The following SESTD1 variants were observed in gnomAD, a reference collection of about 807,000 sequenced individuals.
SESTD1 encodes the protein SEC14 domain and spectrin repeat-containing protein 1.
In SESTD1, 43 loss-of-function variants were observed where a neutral mutation model predicts 101.7. The observed-to-expected ratio is 0.42, with a 90% CI of 0.33 to 0.55. The LOEUF is 0.55. SESTD1 is among the 20% of genes least tolerant of loss of function. The pLI, the probability that SESTD1 is intolerant of heterozygous loss-of-function variation, is 0.07. For missense variants in SESTD1, 647 were observed against 815.1 expected, an observed-to-expected ratio of 0.79 and a Z score of 2.51; for synonymous variants, 283 against 286.8, an observed-to-expected ratio of 0.99 and a Z score of 0.13.
Position 179,216,831 on chromosome 2 carries a change from C to A in SESTD1, c.-25-24965G>T, listed in dbSNP as rs1230930579. Among the ~76,000 whole-genome samples, 4 of 120,568 alleles carry A rather than the reference C, an allele frequency of 3.3e-5. 2 individuals carry two copies. Among genetic ancestry groups the A allele is most frequent in the African/African-American group, 6.7e-5 (2 of 29,650 alleles). The allele number at this position is 120,568 out of a possible 152,430, so 79.1% of individuals were successfully genotyped here. ...CAGAGGCCTCAGAAATAACACCACA[C>A]ATCTACAACCATCTGATCTTTGACA... is the stretch of plus-strand genomic sequence containing the variant. On this transcript the variant is annotated intron_variant, in intron 1 of 17. Coordinates refer to ENST00000428443, the MANE Select transcript of SESTD1 (RefSeq NM_178123.5).
At chr2:179,183,786 C>T (rs368670629) in intron 2 of SESTD1, among the ~76,000 whole-genome samples, 3 of 148,338 alleles carry the variant, frequency 2.0e-5, no homozygotes, top group Admixed American at 6.8e-5. Flanking sequence ...CAGTACTGGC[C>T]GGGGCAACAT....
chr2:179,252,371 G>A (rs1179099273), intron 1 of SESTD1, among the ~76,000 whole-genome samples: 2 of 152,222 alleles, frequency 1.3e-5, no homozygotes, highest in Admixed American at 1.3e-4. Context: ...CCTACTAGGA[G>A]AAATCTGTGG....
chr2:179,174,592 G>C (rs1331728312), intron 4 of SESTD1: 1 of 370,836 alleles, frequency 2.7e-6, no homozygotes, highest in Non-Finnish European at 5.4e-6. Context: ...TAAAAGTGCT[G>C]GAAGCACTTT....
intron 17 of SESTD1, among the ~76,000 whole-genome samples, chr2:179,112,449 C>T (rs563467541): frequency 6.6e-6 from 1 of 152,358 alleles, no homozygotes; most frequent in East Asian, 1.9e-4. Context: ...CTATTCCCCA[C>T]CATCATAGCC....
At chr2:179,165,911 C>CA (rs1240181251) in intron 5 of SESTD1, among the ~76,000 whole-genome samples, 3 of 151,540 alleles carry the variant, frequency 2.0e-5, no homozygotes, top group South Asian at 2.1e-4. Context: ...TAACAATGAC[C>CA]AAAAAAAATG....
intron 1 of SESTD1, among the ~76,000 whole-genome samples, chr2:179,256,488 TGAC>T (rs2047395463): frequency 1.3e-5 from 2 of 152,136 alleles, no homozygotes; most frequent in Non-Finnish European, 2.9e-5. Context: ...CCTGAAGATG[TGAC>T]TGAATTGCTG....
rs1479622863 is a variant in SESTD1 at position 179,146,421 on chromosome 2, A to G, written c.618T>C (p.Pro206=). Residue 206 remains proline, a synonymous_variant, in exon 8 of 18, where the codon CCT becomes CCC. Transcript: ENST00000428443. ...TCTTACCTGTCTGAAGAACTGTTTC[A>G]GGATCAACCGATGGAAGAAAGTTTA... ...VDLNFLPSVD[P]ETVLQTGHEL... is the part of the protein sequence containing the mutation. 9.3e-6 allele frequency: 15 copies of G among 1,612,694 alleles called. No homozygotes were observed. The highest frequency in any genetic ancestry group is 1.3e-5 in the Non-Finnish European group (15 of 1,179,522).
intron 10 of SESTD1, among the ~76,000 whole-genome samples, chr2:179,128,150 T>G (rs1234569410): frequency 6.6e-6 from 1 of 152,218 alleles, no homozygotes; most frequent in East Asian, 1.9e-4. Flanking sequence ...AACAAGCATC[T>G]CTGATGACTC....
At chr2:179,227,115 C>T (rs1448885998) in intron 1 of SESTD1, among the ~76,000 whole-genome samples, 2 of 152,212 alleles carry the variant, frequency 1.3e-5, no homozygotes, top group Non-Finnish European at 2.9e-5. Context: ...GCTGAGTCAA[C>T]TCCAACTTCT....
intron 15 of SESTD1, 67 bp downstream of exon 15, chr2:179,116,601 A>C: frequency 1.2e-6 from 2 of 1,611,304 alleles, no homozygotes; most frequent in Non-Finnish European, 1.7e-6. Flanking sequence ...GTAAAGTTAC[A>C]TTATAATCAT....
intron 1 of SESTD1, among the ~76,000 whole-genome samples, chr2:179,236,674 C>T (rs2047071263): frequency 6.7e-6 from 1 of 149,512 alleles, no homozygotes; most frequent in African/African-American, 2.5e-5. Flanking sequence ...CGTGCTCTTA[C>T]TTGTAATTTA....
rs143225943 is a variant in SESTD1, at chr2:179,159,159, C to G, written c.370-7768G>C. Among the ~76,000 whole-genome samples, 7 of 152,220 alleles carry G rather than the reference C, an allele frequency of 4.6e-5. No homozygotes were observed. In the South Asian group the frequency reaches 6.2e-4, roughly 14 times the overall value. On this transcript the variant is annotated intron_variant, in intron 5 of 17. Coordinates refer to ENST00000428443, the MANE Select transcript of SESTD1 (RefSeq NM_178123.5). Reference sequence around the variant, plus strand: ...CATACGCTTTTCGCCTAACAATCACCTTTATAAAGTGGGTCAGGATCAGCA... The same window carrying G: ...CATACGCTTTTCGCCTAACAATCACGTTTATAAAGTGGGTCAGGATCAGCA...
At chr2:179,219,197 T>G (rs1402603919) in intron 1 of SESTD1, among the ~76,000 whole-genome samples, 1 of 152,152 alleles carries the variant, frequency 6.6e-6, no homozygotes, top group African/African-American at 2.4e-5. Context: ...CAGCAGAGGA[T>G]GTATTCAGCA....
At chr2:179,147,264 G>A (rs2045415594) in intron 7 of SESTD1, among the ~76,000 whole-genome samples, 2 of 152,012 alleles carry the variant, frequency 1.3e-5, no homozygotes, top group South Asian at 2.1e-4. Context: ...TCCTTGAGGA[G>A]GAACTGGCAA....
intron 9 of SESTD1, among the ~76,000 whole-genome samples, chr2:179,139,592 A>C (rs373889412): frequency 2.0e-4 from 30 of 152,272 alleles, no homozygotes; most frequent in East Asian, 9.7e-4. Context: ...TAACAACCTA[A>C]ACATTATGAA....
chr2:179,174,231 T>C (rs928987412), intron 4 of SESTD1, among the ~76,000 whole-genome samples: 1 of 152,180 alleles, frequency 6.6e-6, no homozygotes, highest in Non-Finnish European at 1.5e-5. Flanking sequence ...CTGGTCCCAG[T>C]ACCTTCGGAG....
intron 1 of SESTD1, among the ~76,000 whole-genome samples, chr2:179,198,785 T>A (rs977468582): frequency 6.6e-6 from 1 of 151,864 alleles, no homozygotes; most frequent in Non-Finnish European, 1.5e-5. Context: ...ATACCAGAAT[T>A]TCTGGGACGC....
At position 179,211,825 on chromosome 2, in the gene SESTD1, A is replaced by C. The variant is rs1285837046; in HGVS notation, c.-25-19959T>G. On this transcript the variant is annotated intron_variant, in intron 1 of 17. Coordinates refer to ENST00000428443, the MANE Select transcript of SESTD1 (RefSeq NM_178123.5). ...TAAGATATGAGGATACGAAGGCAGGAGAATGATATAATGGACTCTGGGGAC... is the reference window on the plus strand; with the variant it reads ...TAAGATATGAGGATACGAAGGCAGGCGAATGATATAATGGACTCTGGGGAC... Among the ~76,000 whole-genome samples, 15 of 130,454 alleles carry C rather than the reference A, an allele frequency of 1.1e-4. 5 individuals are homozygous for C. The highest frequency in any genetic ancestry group is 4.3e-4 in the African/African-American group (14 of 32,666). 85.6% of individuals were successfully genotyped at this position (130,454 alleles called of 152,430 possible).
At chr2:179,149,231 G>A in intron 7 of SESTD1, 66 bp downstream of exon 7, 3 of 1,125,160 alleles carry the variant, frequency 2.7e-6, no homozygotes, top group Non-Finnish European at 3.9e-6. Context: ...ATTAACAATA[G>A]AGATATCTTT....
Sources: gnomAD v4.1 joint callset for allele counts (sites outside exome capture counted in the v4.1 genomes callset) on GRCh38, gnomAD v4.1.1 for gene constraint, MANE v1.5 for transcripts, NCBI Gene and HGNC (gene_info 2026-07-23, HGNC 2026-07-21) for gene names.